Variants in ARHGAP24 observed in about 807,000 individuals in gnomAD.
ARHGAP24 encodes rho GTPase-activating protein 24.
ARHGAP24 carries 50 observed loss-of-function variants against 76.4 expected under a neutral mutation model. That is an observed-to-expected ratio of 0.65 (90% CI 0.52 to 0.83). ARHGAP24 has a LOEUF of 0.83. ARHGAP24 is among the 40% of genes least tolerant of loss of function. The pLI, the probability that ARHGAP24 is intolerant of heterozygous loss-of-function variation, is 0.00. For missense variants in ARHGAP24, 930 were observed against 914.2 expected (o/e 1.02, Z -0.22); for synonymous variants, 345 against 323.3 (o/e 1.07, Z -0.72).
chr4:85,823,511 C>G (rs1385604749), intron 3 of ARHGAP24, among the ~76,000 whole-genome samples: 1 of 152,240 alleles, frequency 6.6e-6, no homozygotes, highest in South Asian at 2.1e-4. Flanking sequence ...CCATGTGTCC[C>G]AGGCTTTCTG....
intron 3 of ARHGAP24, among the ~76,000 whole-genome samples, chr4:85,818,137 A>G (rs1415503524): frequency 6.6e-6 from 1 of 152,228 alleles, no homozygotes; most frequent in Non-Finnish European, 1.5e-5. Flanking sequence ...AATGACAAAA[A>G]ATAACCAAGT....
At chr4:85,606,309 C>T (rs568664258) in intron 2 of ARHGAP24, among the ~76,000 whole-genome samples, 2 of 152,090 alleles carry the variant, frequency 1.3e-5, no homozygotes, top group East Asian at 1.9e-4. Context: ...GTCATGAGAT[C>T]GAGACCATCC....
At chr4:85,588,102 T>C (rs1383002720) in intron 2 of ARHGAP24, among the ~76,000 whole-genome samples, 1 of 152,180 alleles carries the variant, frequency 6.6e-6, no homozygotes, top group Non-Finnish European at 1.5e-5. Flanking sequence ...GCCTGTGGGC[T>C]GGTAACCTCA....
Position 85,901,397 on chromosome 4 carries a change from A to G in ARHGAP24, c.269-22251A>G, listed in dbSNP as rs568727485. ...AACAAACAAACAAACAACAAAAAAA[A>G]AAAACTGACAAAACCATAAGAAATG... On this transcript the variant is annotated intron_variant, in intron 3 of 9. Transcript: ENST00000395184. Among the ~76,000 whole-genome samples the G allele has an allele frequency of 2.6e-4, 40 of 152,310 alleles. 2 individuals carry two copies. The South Asian group carries it at 7.9e-3, about 30-fold the overall frequency.
At chr4:85,625,896 T>C (rs1720932282) in intron 2 of ARHGAP24, among the ~76,000 whole-genome samples, 1 of 152,222 alleles carries the variant, frequency 6.6e-6, no homozygotes, top group Admixed American at 6.5e-5. Context: ...TTGCAACCCC[T>C]GCCTTTTTTT....
At chr4:85,714,184 A>G (rs1246004396) in intron 2 of ARHGAP24, among the ~76,000 whole-genome samples, 1 of 152,164 alleles carries the variant, frequency 6.6e-6, no homozygotes, top group Non-Finnish European at 1.5e-5. Flanking sequence ...ATCTGAGAAG[A>G]AATTCATGTT....
At chr4:85,515,513 C>CT (rs1214419099) in intron 1 of ARHGAP24, among the ~76,000 whole-genome samples, 3 of 150,420 alleles carry the variant, frequency 2.0e-5, no homozygotes, top group Non-Finnish European at 1.5e-5. Flanking sequence ...TATTCTTATT[C>CT]TTTTTTATTA....
At chr4:85,557,484 C>T (rs1726431992) in intron 1 of ARHGAP24, among the ~76,000 whole-genome samples, 1 of 152,164 alleles carries the variant, frequency 6.6e-6, no homozygotes, top group Non-Finnish European at 1.5e-5. Context: ...GTGTGGGTCC[C>T]TGAGGACTCT....
At chr4:85,716,802 A>T (rs1231245667) in intron 2 of ARHGAP24, among the ~76,000 whole-genome samples, 1 of 152,120 alleles carries the variant, frequency 6.6e-6, no homozygotes, top group Non-Finnish European at 1.5e-5. Context: ...GGAACCCCTG[A>T]CCACTCTTAG....
intron 2 of ARHGAP24, among the ~76,000 whole-genome samples, chr4:85,616,582 T>C (rs2109999996): frequency 6.6e-6 from 1 of 152,262 alleles, no homozygotes; most frequent in South Asian, 2.1e-4. Flanking sequence ...TTTTATTTCT[T>C]ATTCCTAGTT....
chr4:85,909,765 A>C (rs1206470295), intron 3 of ARHGAP24, among the ~76,000 whole-genome samples: 2 of 152,212 alleles, frequency 1.3e-5, no homozygotes, highest in Non-Finnish European at 1.5e-5. Flanking sequence ...TAATTTAATG[A>C]GGGTGTCTAG....
At chr4:85,640,847 A>C (rs1721493780) in intron 2 of ARHGAP24, among the ~76,000 whole-genome samples, 1 of 152,182 alleles carries the variant, frequency 6.6e-6, no homozygotes, top group Non-Finnish European at 1.5e-5. Flanking sequence ...AGAGTAACTT[A>C]TGTTAATTGA....
At chr4:85,918,987 A>G (rs1026679044) in intron 3 of ARHGAP24, among the ~76,000 whole-genome samples, 3 of 152,180 alleles carry the variant, frequency 2.0e-5, no homozygotes, top group African/African-American at 7.2e-5. Flanking sequence ...TGCATAAGAT[A>G]TTTATGTCCA....
chr4:85,983,203 C>T (rs180940942), intron 8 of ARHGAP24, among the ~76,000 whole-genome samples: 4 of 152,266 alleles, frequency 2.6e-5, no homozygotes, highest in Admixed American at 1.3e-4. Context: ...GATTTCATGT[C>T]TTTGCTATTG....
intron 4 of ARHGAP24, 87 bp from the exon 5 acceptor site, chr4:85,941,979 T>C (rs756682108): frequency 2.2e-6 from 3 of 1,362,608 alleles, no homozygotes; most frequent in Non-Finnish European, 3.1e-6. Context: ...AATCTTTGTT[T>C]TTCTGTTATA....
intron 1 of ARHGAP24, among the ~76,000 whole-genome samples, chr4:85,511,390 A>G (rs955562110): frequency 6.6e-6 from 1 of 152,096 alleles, no homozygotes; most frequent in Admixed American, 6.5e-5. Flanking sequence ...GCTATAACGA[A>G]GTACCACAAA....
chr4:85,720,402 T>C (rs954012403), intron 2 of ARHGAP24, among the ~76,000 whole-genome samples: 3 of 152,186 alleles, frequency 2.0e-5, no homozygotes, highest in African/African-American at 7.2e-5. Context: ...GTAGAGATAA[T>C]GATTTCTATA....
chr4:85,604,577 G>A (rs1366011638), intron 2 of ARHGAP24, among the ~76,000 whole-genome samples: 4 of 151,986 alleles, frequency 2.6e-5, no homozygotes, highest in South Asian at 2.1e-4. Context: ...TAGATGTATC[G>A]TCTCACTTTA....
intron 2 of ARHGAP24, among the ~76,000 whole-genome samples, chr4:85,591,990 A>G (rs1348114147): frequency 6.6e-6 from 1 of 152,200 alleles, no homozygotes; most frequent in Non-Finnish European, 1.5e-5. Flanking sequence ...GTATCATGGC[A>G]GAAGGGAAAG....
Sources: allele counts gnomAD v4.1 joint callset (sites outside exome capture counted in the v4.1 genomes callset), GRCh38; gene constraint gnomAD v4.1.1; transcripts MANE v1.5; gene names NCBI Gene and HGNC (gene_info 2026-07-23, HGNC 2026-07-21).